Variants in AGPAT4 observed in about 807,000 individuals in gnomAD.
AGPAT4 encodes 1-acyl-sn-glycerol-3-phosphate acyltransferase delta.
Under a neutral mutation model 48.0 loss-of-function variants are expected in AGPAT4, and 15 were observed. That is an observed-to-expected ratio of 0.31 (90% CI 0.21 to 0.48). The LOEUF (loss-of-function observed/expected upper bound fraction) is 0.48, where lower values mean the gene tolerates loss of function less well. AGPAT4 is among the 20% of genes least tolerant of loss of function. The pLI is 0.99. For missense variants in AGPAT4, 314 were observed against 482.5 expected (o/e 0.65, Z 3.27); for synonymous variants, 178 against 198.7 (o/e 0.90, Z 0.88).
In AGPAT4 at chr6:161,232,262, G is replaced by C; in HGVS notation, c.-49C>G. 4.5e-6 allele frequency: 7 copies of C among 1,552,502 alleles called. No individual in the cohort carries two copies. Among genetic ancestry groups the C allele is most frequent in the Non-Finnish European group, 6.1e-6 (7 of 1,141,480 alleles). ...AAATAAATAACTACCCACAGTCAAA[G>C]ATTTCCAGAAGGAAGAAAGATCCAG... On this transcript the variant is annotated 5_prime_UTR_variant, in exon 2 of 9. The change creates a new upstream start codon in the 5' untranslated region. Coordinates refer to ENST00000320285, the MANE Select transcript of AGPAT4 (RefSeq NM_020133.3). This position sits in a 1 kb window ranked among gnomAD's most constrained non-coding sequence, Gnocchi z 6.8.
rs966245746 is a variant in AGPAT4 at position 161,198,658 on chromosome 6, C to T, written c.179-32241G>A. On this transcript the variant is annotated intron_variant, in intron 2 of 8. Coordinates refer to ENST00000320285, the MANE Select transcript of AGPAT4 (RefSeq NM_020133.3). The surrounding 1 kb of genome is among the most constrained non-coding windows in gnomAD (Gnocchi z 4.3). ...ACATGCTATTTAACCTGCTGTGCCTCGGTTTCCTCATCTGTCATGGTTGTT... is the reference window on the plus strand; with the variant it reads ...ACATGCTATTTAACCTGCTGTGCCTTGGTTTCCTCATCTGTCATGGTTGTT... 6.6e-6 allele frequency among the ~76,000 whole-genome samples: 1 copy of T among 152,198 alleles called. No individual in the cohort carries two copies.
In AGPAT4 at chr6:161,149,665, C is replaced by G. The variant is rs2114961883; in HGVS notation, c.665-376G>C. Among the ~76,000 whole-genome samples, 1 of 152,218 alleles carries G rather than the reference C, an allele frequency of 6.6e-6. No homozygotes were observed. The highest frequency in any genetic ancestry group is 3.4e-3 in the Middle Eastern group (1 of 294). On this transcript the variant is annotated intron_variant, in intron 5 of 8. Coordinates refer to ENST00000320285, the MANE Select transcript of AGPAT4 (RefSeq NM_020133.3). This position sits in a 1 kb window ranked among gnomAD's most constrained non-coding sequence, Gnocchi z 6.5. ...CAAACAATTCTCCTGTCTCAGCCTC[C>G]CAAGTAGCTGGGGTTACAGACACCC...
rs540628985 is a variant in AGPAT4 at position 161,157,221 on chromosome 6, T to C, written c.349-2911A>G. ...TTTATTGTAAACATATTTCACAGTA[T>C]CCCTGTAACAATGTCACTTTTAAGA... On this transcript the variant is annotated intron_variant, in intron 3 of 8. Coordinates refer to ENST00000320285, the MANE Select transcript of AGPAT4 (RefSeq NM_020133.3). Among the ~76,000 whole-genome samples, 11 of 152,378 alleles carry C rather than the reference T, an allele frequency of 7.2e-5. No homozygotes were observed. The South Asian group carries it at 8.3e-4, about 11-fold the overall frequency.
Position 161,159,954 on chromosome 6 carries a change from T to A in AGPAT4, c.349-5644A>T, listed in dbSNP as rs1210875942. 6.7e-6 allele frequency among the ~76,000 whole-genome samples: 1 copy of A among 149,974 alleles called. No homozygotes were observed. The highest frequency in any genetic ancestry group is 2.5e-5 in the African/African-American group (1 of 40,606). On this transcript the variant is annotated intron_variant, in intron 3 of 8. Transcript: ENST00000320285. This position sits in a 1 kb window ranked among gnomAD's most constrained non-coding sequence, Gnocchi z 4.1. Reference sequence around the variant, plus strand: ...TGGCTTTTCTTTTTTTTTTCTTTTTTTGAGATGGAGTCTTGCTCTGTTGCC... The same window carrying A: ...TGGCTTTTCTTTTTTTTTTCTTTTTATGAGATGGAGTCTTGCTCTGTTGCC...
At chr6:161,157,996 A>C (rs1779809385) in intron 3 of AGPAT4, among the ~76,000 whole-genome samples, 1 of 152,238 alleles carries the variant, frequency 6.6e-6, no homozygotes, top group African/African-American at 2.4e-5. Context: ...AAAAGCACAA[A>C]GTTGAGACTC....
At chr6:161,172,602 C>T (rs1242768893) in intron 2 of AGPAT4, among the ~76,000 whole-genome samples, 1 of 152,166 alleles carries the variant, frequency 6.6e-6, no homozygotes, top group Non-Finnish European at 1.5e-5. Context: ...TCTTCAATAT[C>T]ATATGGCAAT....
rs1199113434 is a variant in AGPAT4, at chr6:161,226,084, A to C, written c.178+5952T>G. Among the ~76,000 whole-genome samples, 2 of 151,954 alleles carry C rather than the reference A, an allele frequency of 1.3e-5. No homozygotes were observed. Among genetic ancestry groups the C allele is most frequent in the African/African-American group, 4.8e-5 (2 of 41,364 alleles). Reference sequence around the variant, plus strand: ...CACCATCTGGGAACTGATAAGGATGACTCTTTGGACCTTCAAAGAGGGGAC... The same window carrying C: ...CACCATCTGGGAACTGATAAGGATGCCTCTTTGGACCTTCAAAGAGGGGAC... On this transcript the variant is annotated intron_variant, in intron 2 of 8. Transcript: ENST00000320285. This position sits in a 1 kb window ranked among gnomAD's most constrained non-coding sequence, Gnocchi z 6.3.
Position 161,169,341 on chromosome 6 carries a change from G to A in AGPAT4, c.179-2924C>T, listed in dbSNP as rs148298323. On this transcript the variant is annotated intron_variant, in intron 2 of 8. Coordinates refer to ENST00000320285, the MANE Select transcript of AGPAT4 (RefSeq NM_020133.3). The surrounding 1 kb of genome is among the most constrained non-coding windows in gnomAD (Gnocchi z 5.0). ...TAGCGGGTGACTACATCAGCACAGC[G>A]AGAGGGGATGGTGCTGGGACCAGGT... Among the ~76,000 whole-genome samples the A allele has an allele frequency of 3.9e-5, 6 of 152,346 alleles. No homozygotes were observed. The East Asian group carries it at 9.6e-4, about 24-fold the overall frequency.
rs761699428 is a variant in AGPAT4 at position 161,136,497 on chromosome 6, C to T, written c.*43G>A. On this transcript the variant is annotated 3_prime_UTR_variant, in exon 9 of 9. Coordinates refer to ENST00000320285, the MANE Select transcript of AGPAT4 (RefSeq NM_020133.3). ...CACTAAGGAGGATATGCAGAGGCCA[C>T]CAGTTCCCCAAGGTTCCCTTCGGAT... 3.1e-5 allele frequency: 49 copies of T among 1,577,192 alleles called. No homozygotes were observed. The Admixed American group carries it at 7.8e-4, about 25-fold the overall frequency.
In AGPAT4 at chr6:161,137,902, A is replaced by G. The variant is rs1779123888; in HGVS notation, c.1043-1268T>C. 1.3e-5 allele frequency among the ~76,000 whole-genome samples: 2 copies of G among 151,540 alleles called. No individual in the cohort carries two copies. Among genetic ancestry groups the G allele is most frequent in the Admixed American group, 6.6e-5 (1 of 15,228 alleles). On this transcript the variant is annotated intron_variant, in intron 8 of 8. Transcript: ENST00000320285. This position sits in a 1 kb window ranked among gnomAD's most constrained non-coding sequence, Gnocchi z 6.1. ...CTGCACCCCTCAGATGCTCCTGGAG[A>G]CGCCCTGTGTCCACACTGCACCCTG...
At chr6:161,156,207 C>G (rs76756035) in intron 3 of AGPAT4, among the ~76,000 whole-genome samples, 11,036 of 152,218 alleles carry the variant, frequency 0.073, 482 homozygotes, top group Non-Finnish European at 0.1. Flanking sequence ...ATGGTGTGTA[C>G]CAGATCTTGT....
rs966004486 is a variant in AGPAT4 at position 161,270,674 on chromosome 6, C to G, written c.-90+3264G>C. Among the ~76,000 whole-genome samples, 2 of 152,014 alleles carry G rather than the reference C, an allele frequency of 1.3e-5. No individual in the cohort carries two copies. Among genetic ancestry groups the G allele is most frequent in the Non-Finnish European group, 2.9e-5 (2 of 68,004 alleles). Reference sequence around the variant, plus strand: ...CCACATGCTTGTGATCCCAGCTACTCGGGAGGCTGAGGCAGGAGAATCGCT... The same window carrying G: ...CCACATGCTTGTGATCCCAGCTACTGGGGAGGCTGAGGCAGGAGAATCGCT... On this transcript the variant is annotated intron_variant, in intron 1 of 8. Transcript: ENST00000320285. This position sits in a 1 kb window ranked among gnomAD's most constrained non-coding sequence, Gnocchi z 5.3.
rs11754766 is a variant in AGPAT4 at position 161,171,242 on chromosome 6, G to T, written c.179-4825C>A. Among the ~76,000 whole-genome samples the T allele has an allele frequency of 0.063, 9,534 of 152,310 alleles. 324 individuals are homozygous for T. Among genetic ancestry groups the T allele is most frequent in the Middle Eastern group, 0.12 (35 of 294 alleles). On this transcript the variant is annotated intron_variant, in intron 2 of 8. Transcript: ENST00000320285. The surrounding 1 kb of genome is among the most constrained non-coding windows in gnomAD (Gnocchi z 4.4). Reference sequence around the variant, plus strand: ...TAAATCTAAGAGAAGCAAAGATAAGGTATTTGCTGTTTGTCTTAGTCCATT... The same window carrying T: ...TAAATCTAAGAGAAGCAAAGATAAGTTATTTGCTGTTTGTCTTAGTCCATT...
At chr6:161,271,487 G>C (rs1783423195) in intron 1 of AGPAT4, among the ~76,000 whole-genome samples, 1 of 152,164 alleles carries the variant, frequency 6.6e-6, no homozygotes, top group Non-Finnish European at 1.5e-5. Flanking sequence ...CTTCACAGCA[G>C]AGCCTTGCAG....
chr6:161,273,564 C>A (rs1228429254), intron 1 of AGPAT4, among the ~76,000 whole-genome samples: 1 of 152,074 alleles, frequency 6.6e-6, no homozygotes, highest in Non-Finnish European at 1.5e-5. Context: ...AGGAACATTC[C>A]CCCCACCACC....
chr6:161,136,651 A>C lies in AGPAT4; in HGVS notation c.1043-17T>G. On this transcript the variant is annotated splice_polypyrimidine_tract_variant and intron_variant, in intron 8 of 8. Coordinates refer to ENST00000320285, the MANE Select transcript of AGPAT4 (RefSeq NM_020133.3). ...CCACGGAGGCTGCAGAGACAAGGAG[A>C]GCAGAGTTAGGAGTAGCCCAAACAG... 1 of 1,611,792 alleles carries C rather than the reference A, an allele frequency of 6.2e-7. No individual in the cohort carries two copies. The highest frequency in any genetic ancestry group is 8.5e-7 in the Non-Finnish European group (1 of 1,177,956).
Position 161,140,325 on chromosome 6 carries a change from A to G in AGPAT4, c.844-705T>C, listed in dbSNP as rs528328174. 2.3e-4 allele frequency among the ~76,000 whole-genome samples: 35 copies of G among 152,342 alleles called. No individual in the cohort carries two copies. The highest frequency in any genetic ancestry group is 7.7e-4 in the African/African-American group (32 of 41,594). ...TTGTTAGACCGTGTGAAAGGTAAACAAACAGGCTCATGTCCTTCCACTAAG... is the reference window on the plus strand; with the variant it reads ...TTGTTAGACCGTGTGAAAGGTAAACGAACAGGCTCATGTCCTTCCACTAAG... On this transcript the variant is annotated intron_variant, in intron 7 of 8. Coordinates refer to ENST00000320285, the MANE Select transcript of AGPAT4 (RefSeq NM_020133.3). The surrounding 1 kb of genome is among the most constrained non-coding windows in gnomAD (Gnocchi z 6.5).
At position 161,257,087 on chromosome 6, in the gene AGPAT4, A is replaced by T. The variant is rs10080738; in HGVS notation, c.-90+16851T>A. On this transcript the variant is annotated intron_variant, in intron 1 of 8. Transcript: ENST00000320285. ...AATGAGATGTTGGAGATGGGGGGAAAGTGGCAATGAAAACAGCACTTGTTT... is the reference window on the plus strand; with the variant it reads ...AATGAGATGTTGGAGATGGGGGGAATGTGGCAATGAAAACAGCACTTGTTT... 9.8e-3 allele frequency among the ~76,000 whole-genome samples: 1,492 copies of T among 152,340 alleles called. 26 individuals are homozygous for T. Among genetic ancestry groups the T allele is most frequent in the African/African-American group, 0.035 (1,441 of 41,584 alleles).
rs1779163196 is a variant in AGPAT4 at position 161,138,963 on chromosome 6, CTCCACTCAGTGTCA to C, written c.1042+445_1042+458del. Among the ~76,000 whole-genome samples, 1 of 152,160 alleles carries C rather than the reference CTCCACTCAGTGTCA, an allele frequency of 6.6e-6. No individual in the cohort carries two copies. The highest frequency in any genetic ancestry group is 2.1e-4 in the South Asian group (1 of 4,828). On this transcript the variant is annotated intron_variant, in intron 8 of 8. Coordinates refer to ENST00000320285, the MANE Select transcript of AGPAT4 (RefSeq NM_020133.3). This position sits in a 1 kb window ranked among gnomAD's most constrained non-coding sequence, Gnocchi z 4.8. ...CATGAAAAGCTCTGTCGCCGAGTGT[CTCCACTCAGTGTCA>C]TCCACCTGCAGCAAAGGAGAAGCCA...
Sources: gnomAD v4.1 joint callset for allele counts (sites outside exome capture counted in the v4.1 genomes callset) on GRCh38, gnomAD v4.1.1 for gene constraint, Gnocchi (gnomAD v3.1) non-coding constraint, MANE v1.5 for transcripts, NCBI Gene and HGNC (gene_info 2026-07-23, HGNC 2026-07-21) for gene names.